RALGPS1: variants seen among roughly 807,000 people sequenced by gnomAD.
The protein encoded by RALGPS1 is ras-specific guanine nucleotide-releasing factor RalGPS1.
RALGPS1 carries 19 observed loss-of-function variants against 78.8 expected under a neutral mutation model. The ratio of observed to expected loss-of-function variants is 0.24; its 90% CI spans 0.17 to 0.35. RALGPS1 has a LOEUF of 0.35. RALGPS1 is among the 10% of genes least tolerant of loss of function. The pLI is 1.00. For missense variants in RALGPS1, 454 were observed against 688.3 expected, an observed-to-expected ratio of 0.66 and a Z score of 3.81; for synonymous variants, 228 against 256.3, an observed-to-expected ratio of 0.89 and a Z score of 1.06.
At chr9:127,187,606 G>T (rs1372061647) in intron 11 of RALGPS1, among the ~76,000 whole-genome samples, 1 of 152,120 alleles carries the variant, frequency 6.6e-6, no homozygotes, top group Non-Finnish European at 1.5e-5. Context: ...ACTCCAAACC[G>T]CAAGGGAGGA....
At chr9:127,190,915 T>C (rs1212147516) in intron 11 of RALGPS1, among the ~76,000 whole-genome samples, 3 of 152,234 alleles carry the variant, frequency 2.0e-5, no homozygotes, top group African/African-American at 7.2e-5. Context: ...GCTAAATTTT[T>C]TATTTTTTTA....
At chr9:127,148,262 C>T (rs950190429) in intron 8 of RALGPS1, among the ~76,000 whole-genome samples, 9 of 152,218 alleles carry the variant, frequency 5.9e-5, no homozygotes, top group African/African-American at 1.9e-4. Context: ...CTGTGAGCCC[C>T]CAGCCTGGGA....
rs146285359 is a variant in RALGPS1, at chr9:127,082,215, A to G, written c.610+12859A>G. On this transcript the variant is annotated intron_variant, in intron 8 of 18. Coordinates refer to ENST00000259351, the MANE Select transcript of RALGPS1 (RefSeq NM_014636.3). ...TCTGGTGACTGCCAGAGCATCCACA[A>G]GTAGGATGTTCGGAGTAGCAAAGCA... Among the ~76,000 whole-genome samples, 397 of 152,332 alleles carry G rather than the reference A, an allele frequency of 2.6e-3. 1 individual carries two copies. Among genetic ancestry groups the G allele is most frequent in the Middle Eastern group, 6.8e-3 (2 of 294 alleles).
chr9:127,144,873 T>C, intron 8 of RALGPS1, among the ~76,000 whole-genome samples: 1 of 152,158 alleles, frequency 6.6e-6, no homozygotes, highest in Non-Finnish European at 1.5e-5. Context: ...GCTTAATGGG[T>C]GTAGCATTCC....
chr9:127,140,186 C>A (rs1396961136), intron 8 of RALGPS1, among the ~76,000 whole-genome samples: 1 of 152,216 alleles, frequency 6.6e-6, no homozygotes, highest in Non-Finnish European at 1.5e-5. Flanking sequence ...GAAGCCAGTC[C>A]TTTTCCTTTT....
At chr9:126,985,699 C>T (rs1450999531) in intron 4 of RALGPS1, among the ~76,000 whole-genome samples, 4 of 152,102 alleles carry the variant, frequency 2.6e-5, no homozygotes, top group Non-Finnish European at 5.9e-5. Flanking sequence ...TCTCTCTTTC[C>T]TACTACTTAC....
In RALGPS1 at chr9:127,048,101, G is replaced by GT. The variant is rs375170483; in HGVS notation, c.301-1941dup. 2.8e-3 allele frequency among the ~76,000 whole-genome samples: 432 copies of GT among 152,140 alleles called. 3 individuals are homozygous for GT. Among genetic ancestry groups the GT allele is most frequent in the African/African-American group, 9.6e-3 (399 of 41,492 alleles). The stretch of plus-strand genomic sequence containing the variant: ...TGCTCAGAAGCCTCTGAAAGTCCCT[G>GT]TGTAGCATAGTGTTTTAGCTCCTTC... On this transcript the variant is annotated intron_variant, in intron 5 of 18. Coordinates refer to ENST00000259351, the MANE Select transcript of RALGPS1 (RefSeq NM_014636.3).
rs1369288629 is a variant in RALGPS1 at position 127,034,467 on chromosome 9, C to T, written c.253C>T (p.His85Tyr). 1.2e-6 allele frequency: 2 copies of T among 1,614,010 alleles called. No homozygotes were observed. Among genetic ancestry groups the T allele is most frequent in the Non-Finnish European group, 1.7e-6 (2 of 1,179,996 alleles). The change falls in exon 5 of 19, where the codon CAC (histidine) becomes TAC (tyrosine). Residue 85 changes from histidine (H) to tyrosine (Y), a missense_variant. Coordinates refer to ENST00000259351, the MANE Select transcript of RALGPS1 (RefSeq NM_014636.3). ...CTGTGGATGGAGTAAGAAGGAGAAA[C>T]ACAGTCTTGCCCCTAACGTTGTGGC... ...ASCGWSKKEK[H>Y]SLAPNVVAFT...
chr9:127,028,513 T>A (rs2046150160), intron 4 of RALGPS1, among the ~76,000 whole-genome samples: 1 of 152,170 alleles, frequency 6.6e-6, no homozygotes, highest in Admixed American at 6.5e-5. Flanking sequence ...TGCTGGTGCT[T>A]CCCTTTGGCT....
intron 8 of RALGPS1, among the ~76,000 whole-genome samples, chr9:127,148,787 G>A (rs1415712544): frequency 2.0e-5 from 3 of 152,212 alleles, no homozygotes; most frequent in Admixed American, 2.0e-4. Context: ...GAGGAGGCAA[G>A]GGCAAGGGAA....
chr9:127,062,507 C>T (rs139180152), intron 7 of RALGPS1, among the ~76,000 whole-genome samples: 2 of 152,282 alleles, frequency 1.3e-5, no homozygotes, highest in South Asian at 4.1e-4. Context: ...TAAGATATTA[C>T]AACCGTATCA....
chr9:127,032,817 C>A (rs1303177523), intron 4 of RALGPS1, among the ~76,000 whole-genome samples: 2 of 151,964 alleles, frequency 1.3e-5, no homozygotes, highest in Non-Finnish European at 2.9e-5. Context: ...CAGTGAGACC[C>A]CCATCTCTAC....
chr9:127,044,482 C>T (rs903883731), intron 5 of RALGPS1, among the ~76,000 whole-genome samples: 4 of 152,182 alleles, frequency 2.6e-5, no homozygotes, highest in Admixed American at 1.3e-4. Context: ...TCTGGAACTC[C>T]TGACCTCAGG....
At chr9:127,143,967 CA>C (rs1267928572) in intron 8 of RALGPS1, among the ~76,000 whole-genome samples, 1 of 152,246 alleles carries the variant, frequency 6.6e-6, no homozygotes, top group Non-Finnish European at 1.5e-5. Flanking sequence ...ACAAGCACAG[CA>C]GAGGATGGAT....
chr9:127,015,315 T>C (rs1050376644), intron 4 of RALGPS1, among the ~76,000 whole-genome samples: 11 of 152,256 alleles, frequency 7.2e-5, no homozygotes, highest in Non-Finnish European at 1.3e-4. Flanking sequence ...ATTTTAGTTA[T>C]GTGTAACCTG....
intron 11 of RALGPS1, among the ~76,000 whole-genome samples, chr9:127,185,337 C>G (rs1201499506): frequency 2.0e-5 from 3 of 152,244 alleles, no homozygotes; most frequent in Non-Finnish European, 2.9e-5. Context: ...ACATGCTGTT[C>G]TGTCTGCATC....
intron 4 of RALGPS1, among the ~76,000 whole-genome samples, chr9:126,982,330 C>T (rs1178902229): frequency 6.6e-6 from 1 of 152,204 alleles, no homozygotes; most frequent in Non-Finnish European, 1.5e-5. Context: ...ACAGTTCTGC[C>T]TCTGCCAGTG....
At chr9:127,143,492 G>A (rs1267226260) in intron 8 of RALGPS1, among the ~76,000 whole-genome samples, 1 of 152,192 alleles carries the variant, frequency 6.6e-6, no homozygotes, top group East Asian at 1.9e-4. Context: ...GCCCCGTGCT[G>A]TGGTTTGATT....
At position 126,987,784 on chromosome 9, in the gene RALGPS1, C is replaced by T. The variant is rs372192522; in HGVS notation, c.216+10039C>T. ...TTTACTCATTCATCAGTCTACTGTG[C>T]TAAATGCTGGAGAAACGATGAAGGG... On this transcript the variant is annotated intron_variant, in intron 4 of 18. Transcript: ENST00000259351. Among the ~76,000 whole-genome samples the T allele has an allele frequency of 8.5e-5, 13 of 152,302 alleles. 1 individual carries two copies. The East Asian group carries it at 2.5e-3, about 29-fold the overall frequency.
Sources: allele counts gnomAD v4.1 joint callset (sites outside exome capture counted in the v4.1 genomes callset), GRCh38; gene constraint gnomAD v4.1.1; transcripts MANE v1.5; gene names NCBI Gene and HGNC (gene_info 2026-07-23, HGNC 2026-07-21).